The following CRYL1 variants were observed in gnomAD, a reference collection of about 807,000 sequenced individuals.
CRYL1 encodes crystallin lambda 1.
CRYL1 carries 29 observed loss-of-function variants against 36.6 expected under a neutral mutation model. The ratio of observed to expected loss-of-function variants is 0.79; its 90% confidence interval spans 0.59 to 1.08. The LOEUF (loss-of-function observed/expected upper bound fraction) is 1.08. Among genes scored for constraint, CRYL1 ranks in the 50% least tolerant of loss-of-function variants. The pLI is 0.00. For missense variants in CRYL1, 411 were observed against 407.9 expected (o/e 1.01, Z -0.06); for synonymous variants, 152 against 151.5 (o/e 1.00, Z -0.02).
chr13:20,509,668 C>G (rs1016944740), intron 2 of CRYL1, among the ~76,000 whole-genome samples: 2 of 152,126 alleles, frequency 1.3e-5, no homozygotes, highest in African/African-American at 4.8e-5. Flanking sequence ...TGGCTCACAC[C>G]TGTAATCCCA....
At chr13:20,431,335 C>T (rs1488430945) in intron 5 of CRYL1, 6 of 985,416 alleles carry the variant, frequency 6.1e-6, no homozygotes, top group African/African-American at 3.5e-5. Flanking sequence ...TGGGTACTTC[C>T]GGCCCTTGAG....
At chr13:20,420,397 G>A (rs765126700) in intron 5 of CRYL1, among the ~76,000 whole-genome samples, 13 of 151,946 alleles carry the variant, frequency 8.6e-5, no homozygotes, top group Admixed American at 2.0e-4. Context: ...TTACTCTCCC[G>A]CAGGCTGAGC....
At chr13:20,489,308 C>T (rs2033461333) in intron 3 of CRYL1, 62 bp downstream of exon 3, 3 of 1,599,906 alleles carry the variant, frequency 1.9e-6, no homozygotes, top group South Asian at 2.2e-5. Flanking sequence ...CCTGTTCCTC[C>T]GGAGAGGCTG....
intron 3 of CRYL1, among the ~76,000 whole-genome samples, chr13:20,468,056 A>T (rs185896778): frequency 2.1e-4 from 32 of 152,206 alleles, no homozygotes; most frequent in African/African-American, 7.7e-4. Flanking sequence ...TCCTGAAGCC[A>T]TTCGCACCTC....
chr13:20,449,615 GAA>G (rs369726459), intron 3 of CRYL1, among the ~76,000 whole-genome samples: 1 of 143,772 alleles, frequency 7.0e-6, no homozygotes, highest in African/African-American at 2.5e-5. Flanking sequence ...AATCCAGGAA[GAA>G]AAAAAAAAGG....
chr13:20,495,685 C>T (rs1295659228), intron 2 of CRYL1, among the ~76,000 whole-genome samples: 1 of 152,194 alleles, frequency 6.6e-6, no homozygotes, highest in East Asian at 1.9e-4. Flanking sequence ...GAGATTTGCA[C>T]AGTCATGTTC....
intron 3 of CRYL1, among the ~76,000 whole-genome samples, chr13:20,477,935 T>C (rs2137456410): frequency 6.8e-6 from 1 of 146,240 alleles, no homozygotes; most frequent in African/African-American, 2.5e-5. Flanking sequence ...TACAGTATAT[T>C]ATATATTATC....
chr13:20,494,170 C>A (rs17248139), intron 2 of CRYL1, among the ~76,000 whole-genome samples: 1 of 152,042 alleles, frequency 6.6e-6, no homozygotes, highest in African/African-American at 2.4e-5. Flanking sequence ...ATAAACACAA[C>A]CAGAAGAAAA....
intron 5 of CRYL1, among the ~76,000 whole-genome samples, chr13:20,428,195 C>G (rs1234984202): frequency 6.6e-6 from 1 of 152,196 alleles, no homozygotes; most frequent in African/African-American, 2.4e-5. Context: ...TATCCCTAAT[C>G]TGAAAATCTG....
At chr13:20,456,479 C>CAAAAAA (rs71074301) in intron 3 of CRYL1, among the ~76,000 whole-genome samples, 3 of 98,764 alleles carry the variant, frequency 3.0e-5, no homozygotes, top group African/African-American at 8.0e-5. Flanking sequence ...CGTCTCAAAA[C>CAAAAAA]AAAAAAAAAA....
chr13:20,455,253 A>C (rs1183813435), intron 3 of CRYL1, among the ~76,000 whole-genome samples: 2 of 152,268 alleles, frequency 1.3e-5, no homozygotes, highest in Non-Finnish European at 2.9e-5. Flanking sequence ...GGAAACCATG[A>C]AATGCTGATG....
rs373748754 is a variant in CRYL1 at position 20,437,801 on chromosome 13, G to A, written c.438+1792C>T. The stretch of plus-strand genomic sequence containing the variant: ...ATTAAAGAGATGCAGTAAACGTCTC[G>A]TCAAATAACTCAGGAGGTATTTTCT... On this transcript the variant is annotated intron_variant, in intron 4 of 7. Transcript: ENST00000298248. Among the ~76,000 whole-genome samples, 44 of 152,242 alleles carry A rather than the reference G, an allele frequency of 2.9e-4. No homozygotes were observed. The South Asian group carries it at 7.7e-3, about 27-fold the overall frequency.
In CRYL1 at chr13:20,525,843, G is replaced by C. The variant is rs375294912; in HGVS notation, c.-49C>G. 5 of 1,207,632 alleles carry C rather than the reference G, an allele frequency of 4.1e-6. No homozygotes were observed. The highest frequency in any genetic ancestry group is 1.6e-5 in the African/African-American group (1 of 63,216). The allele number at this position is 1,207,632 out of a possible 1,614,324, so 74.8% of individuals were successfully genotyped here. The stretch of plus-strand genomic sequence containing the variant: ...GCGGGCGCTGGGACCAGGCGCCGGC[G>C]GAGCTGCGAGCTCTGGGCTCCGGGG... On this transcript the variant is annotated 5_prime_UTR_variant, in exon 1 of 8. Transcript: ENST00000298248. This position sits in a 1 kb window ranked among gnomAD's most constrained non-coding sequence, Gnocchi z 4.3.
chr13:20,456,479 C>CAAAAAAAAA (rs71074301), intron 3 of CRYL1, among the ~76,000 whole-genome samples: 6 of 98,766 alleles, frequency 6.1e-5, no homozygotes, highest in African/African-American at 1.2e-4. Context: ...CGTCTCAAAA[C>CAAAAAAAAA]AAAAAAAAAA....
At chr13:20,522,587 G>A (rs1404667484) in intron 1 of CRYL1, among the ~76,000 whole-genome samples, 6 of 152,116 alleles carry the variant, frequency 3.9e-5, no homozygotes, top group Non-Finnish European at 8.8e-5. Flanking sequence ...GATACAAATG[G>A]CAACAATACA....
At chr13:20,421,287 T>C (rs770026429) in intron 5 of CRYL1, among the ~76,000 whole-genome samples, 1 of 152,172 alleles carries the variant, frequency 6.6e-6, no homozygotes, top group Non-Finnish European at 1.5e-5. Context: ...GAATCCATCA[T>C]TGTGTATGAA....
intron 1 of CRYL1, among the ~76,000 whole-genome samples, chr13:20,518,114 T>C (rs1425039131): frequency 1.3e-5 from 2 of 151,684 alleles, no homozygotes; most frequent in African/African-American, 4.8e-5. Context: ...AACGGTCAGC[T>C]GGCTCTTGCC....
chr13:20,470,241 C>T (rs2033025510), intron 3 of CRYL1, among the ~76,000 whole-genome samples: 1 of 152,242 alleles, frequency 6.6e-6, no homozygotes, highest in Non-Finnish European at 1.5e-5. Context: ...ACTGCCGCGA[C>T]TCAGGCCTGG....
intron 4 of CRYL1, 47 bp downstream of exon 4, chr13:20,439,546 C>T: frequency 1.4e-6 from 1 of 693,690 alleles, no homozygotes; most frequent in Non-Finnish European, 2.0e-6. Context: ...AAAAAAAACA[C>T]AGAATGAGAT....
Sources: allele counts gnomAD v4.1 joint callset (sites outside exome capture counted in the v4.1 genomes callset), GRCh38; gene constraint gnomAD v4.1.1; non-coding constraint Gnocchi (gnomAD v3.1); transcripts MANE v1.5; gene names NCBI Gene and HGNC (gene_info 2026-07-23, HGNC 2026-07-21).